Variants in TRIM71 observed in about 807,000 individuals in gnomAD.
The protein encoded by TRIM71 is E3 ubiquitin-protein ligase TRIM71.
TRIM71 carries 9 observed loss-of-function variants against 61.2 expected under a neutral mutation model. The ratio of observed to expected loss-of-function variants is 0.15; its 90% CI spans 0.09 to 0.26. TRIM71 has a LOEUF of 0.26. Ranked by LOEUF, TRIM71 falls within the 10% of genes least tolerant of loss-of-function variation. TRIM71 has a pLI of 1.00. For synonymous variants in TRIM71, 645 were observed against 553.2 expected (o/e 1.17, Z -2.33); for missense variants, 998 against 1,238.7 (o/e 0.81, Z 2.92).
chr3:32,841,592 T>A (rs1696406483), intron 1 of TRIM71, among the ~76,000 whole-genome samples: 2 of 152,116 alleles, frequency 1.3e-5, no homozygotes, highest in South Asian at 4.1e-4. Flanking sequence ...CACTCCAGCG[T>A]GGGCCACGAG....
At position 32,891,565 on chromosome 3, in the gene TRIM71, G is replaced by A; in HGVS notation, c.2361G>A (p.Glu787=). The change falls in exon 4 of 4, where the codon GAG becomes GAA. Residue 787 remains glutamate, a synonymous_variant. Coordinates refer to ENST00000383763, the MANE Select transcript of TRIM71 (RefSeq NM_001039111.3). This position sits in a 1 kb window ranked among gnomAD's most constrained non-coding sequence, Gnocchi z 8.2. ...AGTCGGCACGCTTTCTGGGCTCGGA[G>A]GGCACAGGCAATGGGCAGTTCCTGC... ...DCQSARFLGS[E]GTGNGQFLRP... 6.2e-7 allele frequency: 1 copy of A among 1,613,824 alleles called. No individual in the cohort carries two copies.
Position 32,891,570 on chromosome 3 carries a change from C to T in TRIM71, c.2366C>T (p.Thr789Ile). 1 of 1,613,798 alleles carries T rather than the reference C, an allele frequency of 6.2e-7. No individual in the cohort carries two copies. Residue 789 changes from threonine (T) to isoleucine (I), a missense_variant, in exon 4 of 4, where the codon ACA (threonine) becomes ATA (isoleucine). This residue lies in a region of TRIM71 where 95 missense variants were observed against 159.0 expected (regional missense o/e 0.60). Transcript: ENST00000383763. This position sits in a 1 kb window ranked among gnomAD's most constrained non-coding sequence, Gnocchi z 8.2. ...QSARFLGSEG[T>I]GNGQFLRPQG... ...GCACGCTTTCTGGGCTCGGAGGGCA[C>T]AGGCAATGGGCAGTTCCTGCGCCCA...
intron 1 of TRIM71, among the ~76,000 whole-genome samples, chr3:32,826,582 C>CTT (rs71068090): frequency 0.021 from 1,773 of 82,924 alleles, 161 homozygotes; most frequent in African/African-American, 0.031. Flanking sequence ...CAGGTGAGTT[C>CTT]TTTTTTTTTT....
At position 32,890,158 on chromosome 3, in the gene TRIM71, C is replaced by T. The variant is rs889259395; in HGVS notation, c.1156-202C>T. The stretch of plus-strand genomic sequence containing the variant: ...AGTTGTCCTGTTTCTAGTAACTATC[C>T]TCTGTAACCCAGAACAGTTCTTCAG... On this transcript the variant is annotated intron_variant, in intron 3 of 3. Transcript: ENST00000383763. The surrounding 1 kb of genome is among the most constrained non-coding windows in gnomAD (Gnocchi z 6.2). 1.3e-5 allele frequency among the ~76,000 whole-genome samples: 2 copies of T among 152,170 alleles called. No individual in the cohort carries two copies. Among genetic ancestry groups the T allele is most frequent in the Admixed American group, 1.3e-4 (2 of 15,282 alleles).
chr3:32,837,076 C>T (rs1371707142), intron 1 of TRIM71, among the ~76,000 whole-genome samples: 1 of 148,370 alleles, frequency 6.7e-6, no homozygotes, highest in African/African-American at 2.5e-5. Context: ...ATAACACAGG[C>T]AAACTTGAAG....
Position 32,891,915 on chromosome 3 carries a change from C to T in TRIM71, c.*104C>T. The T allele has an allele frequency of 6.9e-7, 1 of 1,458,924 alleles. No individual in the cohort carries two copies. The highest frequency in any genetic ancestry group is 9.0e-7 in the Non-Finnish European group (1 of 1,106,266). The allele number at this position is 1,458,924 out of a possible 1,614,324, so 90.4% of individuals were successfully genotyped here. ...TTTTGAATTTCAAAGAAGAAACAGTCTCAGGGAAATTTCTTTTTTCTTTTT... is the reference window on the plus strand; with the variant it reads ...TTTTGAATTTCAAAGAAGAAACAGTTTCAGGGAAATTTCTTTTTTCTTTTT... On this transcript the variant is annotated 3_prime_UTR_variant, in exon 4 of 4. Transcript: ENST00000383763. The surrounding 1 kb of genome is among the most constrained non-coding windows in gnomAD (Gnocchi z 8.2).
At chr3:32,852,731 G>A (rs1483069542) in intron 1 of TRIM71, among the ~76,000 whole-genome samples, 1 of 149,756 alleles carries the variant, frequency 6.7e-6, no homozygotes, top group East Asian at 2.0e-4. Context: ...ACTGGGTAGA[G>A]GAAGGTTTAT....
At position 32,818,471 on chromosome 3, in the gene TRIM71, C is replaced by A; in HGVS notation, c.391C>A (p.Pro131Thr). ...GGTGGTGGCCACTGCCGACGAGCCG[C>A]CGCCCAAGAACGGGCGCGCCGGCGC... Reference protein sequence around the residue: ...DAVVATADEPPPKNGRAGAPA... With the variant: ...DAVVATADEPTPKNGRAGAPA... Residue 131 changes from proline to threonine, a missense_variant, in exon 1 of 4, where the codon CCG becomes ACG. Physicochemically the swap from Pro to Thr is conservative, Grantham distance 38. Transcript: ENST00000383763. The A allele has an allele frequency of 2.1e-6, 3 of 1,452,702 alleles. No homozygotes were observed. Among genetic ancestry groups the A allele is most frequent in the Non-Finnish European group, 2.7e-6 (3 of 1,107,114 alleles). 90.0% of individuals were successfully genotyped at this position (1,452,702 alleles called of 1,614,324 possible).
intron 1 of TRIM71, among the ~76,000 whole-genome samples, chr3:32,837,373 TGGA>T (rs1696346236): frequency 6.6e-6 from 1 of 152,218 alleles, no homozygotes; most frequent in Non-Finnish European, 1.5e-5. Flanking sequence ...TACAAATCTG[TGGA>T]GAATTTGGCC....
intron 1 of TRIM71, among the ~76,000 whole-genome samples, chr3:32,865,445 C>T (rs1022381173): frequency 3.9e-5 from 6 of 152,188 alleles, no homozygotes; most frequent in African/African-American, 1.4e-4. Context: ...TCTCAGGCCA[C>T]ACTGATGGCT....
At chr3:32,867,441 ATGTGTG>A (rs1354090433) in intron 1 of TRIM71, among the ~76,000 whole-genome samples, 2 of 152,038 alleles carry the variant, frequency 1.3e-5, no homozygotes, top group Non-Finnish European at 2.9e-5. Flanking sequence ...GTGTGTGTGT[ATGTGTG>A]TATATATACA....
chr3:32,824,362 T>C (rs1398307024), intron 1 of TRIM71, among the ~76,000 whole-genome samples: 7 of 151,794 alleles, frequency 4.6e-5, no homozygotes, highest in Admixed American at 3.9e-4. Flanking sequence ...TCTTTCTTTT[T>C]TTTTTTTTTA....
intron 1 of TRIM71, among the ~76,000 whole-genome samples, chr3:32,866,294 G>GC (rs1428465878): frequency 6.6e-6 from 1 of 151,904 alleles, no homozygotes; most frequent in Non-Finnish European, 1.5e-5. Context: ...TGTCTCCTGG[G>GC]CTGGAGTGCA....
At chr3:32,854,234 TCTG>T (rs1696572065) in intron 1 of TRIM71, among the ~76,000 whole-genome samples, 1 of 152,212 alleles carries the variant, frequency 6.6e-6, no homozygotes, top group Non-Finnish European at 1.5e-5. Flanking sequence ...ACTCAAGTGG[TCTG>T]CTCATCTCGG....
chr3:32,870,722 C>G (rs1696786122), intron 1 of TRIM71, among the ~76,000 whole-genome samples: 1 of 152,170 alleles, frequency 6.6e-6, no homozygotes, highest in South Asian at 2.1e-4. Flanking sequence ...TGAGGTTGAT[C>G]TAAACCTAAG....
chr3:32,863,176 G>T lies in TRIM71; in HGVS notation c.853-10642G>T, dbSNP rs547836717. On this transcript the variant is annotated intron_variant, in intron 1 of 3. Transcript: ENST00000383763. ...AGGATTCTCCCCTCACTTTTGGGAGGGAGGAGTATTAATTGAACCTTTTTT... is the reference window on the plus strand; with the variant it reads ...AGGATTCTCCCCTCACTTTTGGGAGTGAGGAGTATTAATTGAACCTTTTTT... 1.4e-4 allele frequency among the ~76,000 whole-genome samples: 21 copies of T among 151,016 alleles called. 1 individual carries two copies. The South Asian group carries it at 4.4e-3, about 32-fold the overall frequency.
chr3:32,821,409 A>G (rs1167134107), intron 1 of TRIM71, among the ~76,000 whole-genome samples: 1 of 152,060 alleles, frequency 6.6e-6, no homozygotes, highest in Non-Finnish European at 1.5e-5. Context: ...AGGAGGCCCA[A>G]ACACCCTACC....
intron 1 of TRIM71, among the ~76,000 whole-genome samples, chr3:32,833,183 T>TAAAAAAAAAA (rs1696293408): frequency 2.6e-5 from 1 of 39,100 alleles, no homozygotes; most frequent in African/African-American, 6.6e-5. Flanking sequence ...AACTCTGTCT[T>TAAAAAAAAAA]TAAAAAAAAA....
chr3:32,844,103 G>A (rs985934337), intron 1 of TRIM71, among the ~76,000 whole-genome samples: 3 of 152,108 alleles, frequency 2.0e-5, no homozygotes, highest in Non-Finnish European at 2.9e-5. Flanking sequence ...TCGCGTCGTC[G>A]TTATTTTGTG....
Sources: allele counts gnomAD v4.1 joint callset (sites outside exome capture counted in the v4.1 genomes callset), GRCh38; gene constraint gnomAD v4.1.1; regional missense constraint gnomAD v4.1.1; non-coding constraint Gnocchi (gnomAD v3.1); transcripts MANE v1.5; gene names NCBI Gene and HGNC (gene_info 2026-07-23, HGNC 2026-07-21).